CDK19: variants seen among roughly 807,000 people sequenced by gnomAD.
The protein encoded by CDK19 is cyclin dependent kinase 19, also known as cyclin-dependent kinase 19.
CDK19 carries 20 observed loss-of-function variants against 68.3 expected under a neutral mutation model. That is an observed-to-expected ratio of 0.29 (90% CI 0.21 to 0.43). The LOEUF is 0.43. Ranked by LOEUF, CDK19 falls within the 20% of genes least tolerant of loss-of-function variation. CDK19 has a pLI of 1.00. For missense variants in CDK19, 339 were observed against 623.5 expected (o/e 0.54, Z 4.86); for synonymous variants, 221 against 222.8 (o/e 0.99, Z 0.07).
At chr6:110,673,483 C>T (rs1362376689) in intron 2 of CDK19, among the ~76,000 whole-genome samples, 1 of 151,792 alleles carries the variant, frequency 6.6e-6, no homozygotes, top group East Asian at 1.9e-4. Context: ...TTGCTAGATC[C>T]TATGGTAACT....
chr6:110,634,170 C>T (rs2114721786), intron 5 of CDK19, among the ~76,000 whole-genome samples: 1 of 152,216 alleles, frequency 6.6e-6, no homozygotes, highest in South Asian at 2.1e-4. Flanking sequence ...TTTACATAAG[C>T]AGAACAGGCA....
chr6:110,644,756 T>G (rs1780439782), intron 4 of CDK19, among the ~76,000 whole-genome samples: 1 of 152,054 alleles, frequency 6.6e-6, no homozygotes, highest in Non-Finnish European at 1.5e-5. Context: ...AAGTCCCTCC[T>G]TCCTCTGGTG....
At position 110,724,983 on chromosome 6, in the gene CDK19, A is replaced by C. The variant is rs549303050; in HGVS notation, c.204+21143T>G. 2.2e-4 allele frequency among the ~76,000 whole-genome samples: 33 copies of C among 152,324 alleles called. No individual in the cohort carries two copies. The East Asian group carries it at 4.4e-3, about 20-fold the overall frequency. Reference sequence around the variant, plus strand: ...AATACAGAAATGAATACAACCAAGTAAGCAAAATCAAAGTGTCTCCAACTG... The same window carrying C: ...AATACAGAAATGAATACAACCAAGTCAGCAAAATCAAAGTGTCTCCAACTG... On this transcript the variant is annotated intron_variant, in intron 2 of 12. Coordinates refer to ENST00000368911, the MANE Select transcript of CDK19 (RefSeq NM_015076.5).
At chr6:110,811,653 ACTT>A (rs1783109834) in intron 1 of CDK19, among the ~76,000 whole-genome samples, 1 of 152,188 alleles carries the variant, frequency 6.6e-6, no homozygotes, top group South Asian at 2.1e-4. Context: ...GTCATGTGCG[ACTT>A]CTTAATAATG....
intron 4 of CDK19, among the ~76,000 whole-genome samples, chr6:110,641,076 C>T (rs2114778789): frequency 6.6e-6 from 1 of 152,000 alleles, no homozygotes; most frequent in South Asian, 2.1e-4. Context: ...AGTGTGATAC[C>T]TGAAATGAGA....
At chr6:110,779,674 G>C (rs1200083860) in intron 1 of CDK19, among the ~76,000 whole-genome samples, 1 of 152,026 alleles carries the variant, frequency 6.6e-6, no homozygotes, top group Non-Finnish European at 1.5e-5. Context: ...CCAGCACTTT[G>C]GAAGGCTGAG....
intron 4 of CDK19, among the ~76,000 whole-genome samples, chr6:110,650,103 C>G (rs1379463242): frequency 1.3e-5 from 2 of 152,078 alleles, no homozygotes; most frequent in Non-Finnish European, 2.9e-5. Context: ...ATCTTAGAAG[C>G]ATTATGTTGG....
intron 4 of CDK19, among the ~76,000 whole-genome samples, chr6:110,640,518 A>G (rs1348926310): frequency 6.6e-6 from 1 of 152,202 alleles, no homozygotes; most frequent in East Asian, 1.9e-4. Context: ...AAGATTAAGA[A>G]AAAGGGTGGT....
At chr6:110,650,762 G>A (rs150010791) in intron 4 of CDK19, among the ~76,000 whole-genome samples, 1 of 152,092 alleles carries the variant, frequency 6.6e-6, no homozygotes, top group East Asian at 1.9e-4. Context: ...AACGGGTCAG[G>A]AAAAATAGAG....
intron 2 of CDK19, among the ~76,000 whole-genome samples, chr6:110,683,510 T>C (rs1772191053): frequency 6.6e-6 from 1 of 152,134 alleles, no homozygotes; most frequent in East Asian, 1.9e-4. Context: ...AATAATAAAA[T>C]GGCTATATGA....
At chr6:110,686,883 CT>C (rs1772536635) in intron 2 of CDK19, among the ~76,000 whole-genome samples, 1 of 152,072 alleles carries the variant, frequency 6.6e-6, no homozygotes. Flanking sequence ...TAACCCATAT[CT>C]TTATAACTTA....
rs774766084 is a variant in CDK19, at chr6:110,783,255, C to T, written c.128+31754G>A. On this transcript the variant is annotated intron_variant, in intron 1 of 12. Coordinates refer to ENST00000368911, the MANE Select transcript of CDK19 (RefSeq NM_015076.5). Reference sequence around the variant, plus strand: ...GCAAGGACCATCATTAAATTTGCTGCACAACTTTTCGGAGTGTAATAGCTT... The same window carrying T: ...GCAAGGACCATCATTAAATTTGCTGTACAACTTTTCGGAGTGTAATAGCTT... 3.9e-5 allele frequency among the ~76,000 whole-genome samples: 6 copies of T among 152,266 alleles called. No homozygotes were observed. The East Asian group carries it at 5.8e-4, about 15-fold the overall frequency.
chr6:110,668,260 C>T lies in CDK19; in HGVS notation c.316-686G>A, dbSNP rs1782070073. ...ACCTCCATCCCTACCCCACCCCTGC[C>T]TCTGTCCAAAACATAAAATGGACAC... is the stretch of plus-strand genomic sequence containing the variant. On this transcript the variant is annotated intron_variant, in intron 3 of 12. Transcript: ENST00000368911. Among the ~76,000 whole-genome samples the T allele has an allele frequency of 2.0e-5, 3 of 152,294 alleles. No individual in the cohort carries two copies. In the South Asian group the frequency reaches 6.2e-4, roughly 32 times the overall value.
At chr6:110,614,691 G>A in intron 12 of CDK19, 25 bp from the exon 13 acceptor site, 1 of 1,612,844 alleles carries the variant, frequency 6.2e-7, no homozygotes, top group Non-Finnish European at 8.5e-7. Flanking sequence ...CAGGAAAAGG[G>A]AATTACTGAT....
chr6:110,642,754 G>A (rs1297821555), intron 4 of CDK19, among the ~76,000 whole-genome samples: 1 of 151,804 alleles, frequency 6.6e-6, no homozygotes, highest in Non-Finnish European at 1.5e-5. Context: ...AGGTGTTCAA[G>A]GCCAGGCTGG....
chr6:110,746,361 G>A (rs1778078763), intron 1 of CDK19, among the ~76,000 whole-genome samples, 160 bp from the exon 2 acceptor site: 1 of 151,988 alleles, frequency 6.6e-6, no homozygotes, highest in Non-Finnish European at 1.5e-5. Context: ...TTCAACTACA[G>A]AAATATGAGA....
At chr6:110,650,415 G>A (rs1019616907) in intron 4 of CDK19, among the ~76,000 whole-genome samples, 1 of 152,098 alleles carries the variant, frequency 6.6e-6, no homozygotes, top group Non-Finnish European at 1.5e-5. Context: ...TGGGTAAAGT[G>A]ACAGGTTCTC....
At chr6:110,650,060 C>A (rs1329686253) in intron 4 of CDK19, among the ~76,000 whole-genome samples, 1 of 152,074 alleles carries the variant, frequency 6.6e-6, no homozygotes, top group Admixed American at 6.5e-5. Context: ...AAAAAAATCA[C>A]TGAATTACAA....
intron 2 of CDK19, among the ~76,000 whole-genome samples, chr6:110,725,459 T>C (rs919425201): frequency 2.6e-5 from 4 of 152,126 alleles, no homozygotes; most frequent in African/African-American, 7.2e-5. Flanking sequence ...AGAAACAGCA[T>C]AAAATGGGTA....
Sources: gnomAD v4.1 joint callset for allele counts (sites outside exome capture counted in the v4.1 genomes callset) on GRCh38, gnomAD v4.1.1 for gene constraint, MANE v1.5 for transcripts, NCBI Gene and HGNC (gene_info 2026-07-23, HGNC 2026-07-21) for gene names.